Variants in TSEN15 observed in about 807,000 individuals in gnomAD.
TSEN15 encodes tRNA-splicing endonuclease subunit Sen15.
In TSEN15, 10 loss-of-function variants were observed where a neutral mutation model predicts 20.5. The ratio of observed to expected loss-of-function variants is 0.49; its 90% CI spans 0.30 to 0.83. The LOEUF (loss-of-function observed/expected upper bound fraction) is 0.83. TSEN15 is among the 40% of genes least tolerant of loss of function. The pLI is 0.06. For missense variants in TSEN15, 180 were observed against 218.6 expected (o/e 0.82, Z 1.11); for synonymous variants, 72 against 80.1 (o/e 0.90, Z 0.54).
chr1:184,051,813 G>T lies in TSEN15; in HGVS notation c.58G>T (p.Gly20Cys). The T allele has an allele frequency of 6.5e-7, 1 of 1,542,036 alleles. No homozygotes were observed. Among genetic ancestry groups the T allele is most frequent in the Non-Finnish European group, 8.7e-7 (1 of 1,144,210 alleles). ...CGGCTGCAGCGGCCTGGGTCCGGGC[G>T]GTGTTCGCGGCTTTGGCGACGGCGG... ...TPGCSGLGPG[G>C]VRGFGDGGGA... Residue 20 changes from glycine to cysteine, a missense_variant, in exon 1 of 5, where the codon GGT (glycine) becomes TGT (cysteine). Physicochemically the swap from Gly to Cys is radical, Grantham distance 159. Coordinates refer to ENST00000645668, the MANE Select transcript of TSEN15 (RefSeq NM_052965.4).
chr1:184,062,537 C>T (rs1258125032), intron 3 of TSEN15, among the ~76,000 whole-genome samples: 1 of 152,016 alleles, frequency 6.6e-6, no homozygotes, highest in Non-Finnish European at 1.5e-5. Context: ...CACTTTGGAC[C>T]ACCTTGGGTC....
exon 4 of TSEN15, chr1:184,096,930 G>A (rs894852908): frequency 1.3e-5 from 2 of 152,148 alleles, no homozygotes; most frequent in African/African-American, 4.8e-5. Context: ...TTTGGGTGGG[G>A]ACACAGCCAA....
Position 184,073,140 on chromosome 1 carries a change from T to C in TSEN15, c.*293T>C. The C allele has an allele frequency of 3.4e-6, 1 of 295,516 alleles. No individual in the cohort carries two copies. The allele number at this position is 295,516 out of a possible 1,614,324, so 18.3% of individuals were successfully genotyped here. A position where few individuals can be genotyped will look rare whatever the true frequency, so the allele number is the denominator to read the frequency against. ...CAGATGGGTGGGACCTGTGTGCTGCTTTTGTCATCCCACACTCAAAGTTGT... is the reference window on the plus strand; with the variant it reads ...CAGATGGGTGGGACCTGTGTGCTGCCTTTGTCATCCCACACTCAAAGTTGT... On this transcript the variant is annotated 3_prime_UTR_variant, in exon 5 of 5. Transcript: ENST00000645668.
intron 3 of TSEN15, among the ~76,000 whole-genome samples, chr1:184,082,710 C>G (rs908226164): frequency 3.9e-5 from 6 of 152,062 alleles, no homozygotes; most frequent in Non-Finnish European, 8.8e-5. Flanking sequence ...GTTTTTTCCC[C>G]TAGGTTTATT....
intron 3 of TSEN15, among the ~76,000 whole-genome samples, chr1:184,057,207 A>G (rs1200453657): frequency 6.6e-6 from 1 of 152,168 alleles, no homozygotes; most frequent in African/African-American, 2.4e-5. Context: ...AAGAGATGAC[A>G]ATTATTGATG....
chr1:184,075,557 G>A (rs117904107), downstream of TSEN15, among the ~76,000 whole-genome samples: 120 of 152,098 alleles, frequency 7.9e-4, 3 homozygotes, highest in East Asian at 0.02. Flanking sequence ...AGCCGTGTCT[G>A]ATTATATAAT....
chr1:184,066,576 T>C (rs933644667), intron 3 of TSEN15, among the ~76,000 whole-genome samples: 3 of 152,028 alleles, frequency 2.0e-5, no homozygotes, highest in African/African-American at 7.2e-5. Flanking sequence ...TGGCTAATTT[T>C]TGCATTTTTA....
downstream of TSEN15, among the ~76,000 whole-genome samples, chr1:184,076,168 C>T (rs1651058017): frequency 6.6e-6 from 1 of 151,972 alleles, no homozygotes; most frequent in African/African-American, 2.4e-5. Context: ...AGGTTTGTGG[C>T]AACCCTGCCT....
At chr1:184,087,304 T>C (rs1391899266) in intron 3 of TSEN15, among the ~76,000 whole-genome samples, 1 of 152,268 alleles carries the variant, frequency 6.6e-6, no homozygotes, top group African/African-American at 2.4e-5. Context: ...GACTCTTTTT[T>C]CTTTTTACTA....
chr1:184,055,866 A>C (rs951374136), intron 3 of TSEN15, among the ~76,000 whole-genome samples: 7 of 152,132 alleles, frequency 4.6e-5, no homozygotes, highest in African/African-American at 1.7e-4. Context: ...ATAATAACTA[A>C]CATCTAATCT....
chr1:184,054,521 A>G (rs1650172354), intron 2 of TSEN15, 86 bp downstream of exon 2: 1 of 1,219,650 alleles, frequency 8.2e-7, no homozygotes, highest in African/African-American at 1.5e-5. Context: ...TCTTAACATA[A>G]TAAGCAATCT....
At chr1:184,053,338 C>A (rs1390071900) in intron 1 of TSEN15, among the ~76,000 whole-genome samples, 1 of 152,114 alleles carries the variant, frequency 6.6e-6, no homozygotes, top group Non-Finnish European at 1.5e-5. Flanking sequence ...TTATTATCCC[C>A]AAACACACTT....
intron 3 of TSEN15, among the ~76,000 whole-genome samples, chr1:184,067,003 A>G (rs536440453): frequency 6.6e-6 from 1 of 152,128 alleles, no homozygotes; most frequent in Non-Finnish European, 1.5e-5. Context: ...ATTTATACCT[A>G]AATATTTATC....
intron 3 of TSEN15, among the ~76,000 whole-genome samples, chr1:184,090,074 T>C (rs191513242): frequency 4.4e-4 from 67 of 152,328 alleles, no homozygotes; most frequent in African/African-American, 1.5e-3. Flanking sequence ...ATAACCTGAA[T>C]ATTCATCAAT....
chr1:184,063,311 G>C (rs1053028230), intron 3 of TSEN15, among the ~76,000 whole-genome samples: 1 of 152,120 alleles, frequency 6.6e-6, no homozygotes, highest in East Asian at 1.9e-4. Context: ...ATACCAAATT[G>C]CTCCTTTGCA....
intron 3 of TSEN15, among the ~76,000 whole-genome samples, chr1:184,056,591 A>G (rs1650256573): frequency 6.6e-6 from 1 of 152,156 alleles, no homozygotes; most frequent in Admixed American, 6.5e-5. Flanking sequence ...TGTCTAGTTT[A>G]AGAAATATTT....
In TSEN15 at chr1:184,060,030, G is replaced by GA. The variant is rs34970632; in HGVS notation, c.353+5175dup. 8.9e-3 allele frequency among the ~76,000 whole-genome samples: 1,357 copies of GA among 152,006 alleles called. 30 individuals carry two copies. The highest frequency in any genetic ancestry group is 0.031 in the African/African-American group (1,306 of 41,468). The stretch of plus-strand genomic sequence containing the variant: ...TTTAGAATTAGCTTCTGTGATTTCA[G>GA]AAAAAAAATCCCAATGGGAAACATG... On this transcript the variant is annotated intron_variant, in intron 3 of 4. Transcript: ENST00000645668.
chr1:184,078,561 G>T (rs1216403207), downstream of TSEN15, among the ~76,000 whole-genome samples: 1 of 152,010 alleles, frequency 6.6e-6, no homozygotes, highest in African/African-American at 2.4e-5. Flanking sequence ...TCTAATCAGT[G>T]TGCCCTCTGT....
chr1:184,067,939 A>T (rs868385572), intron 3 of TSEN15, among the ~76,000 whole-genome samples: 5 of 113,416 alleles, frequency 4.4e-5, no homozygotes, highest in South Asian at 7.1e-4. Context: ...AAAAAAAAAA[A>T]AAATATATAT....
Sources: gnomAD v4.1 joint callset for allele counts (sites outside exome capture counted in the v4.1 genomes callset) on GRCh38, gnomAD v4.1.1 for gene constraint, MANE v1.5 for transcripts, NCBI Gene and HGNC (gene_info 2026-07-23, HGNC 2026-07-21) for gene names.